Variants in DNAJC6 observed in about 807,000 individuals in gnomAD.
DNAJC6 encodes the protein DnaJ heat shock protein family (Hsp40) member C6.
In DNAJC6, 34 loss-of-function variants were observed where a neutral mutation model predicts 110.0. That is an observed-to-expected ratio of 0.31 (90% CI 0.24 to 0.41). The LOEUF (loss-of-function observed/expected upper bound fraction) is 0.41. DNAJC6 is among the 10% of genes least tolerant of loss of function. DNAJC6 has a pLI of 1.00. For missense variants in DNAJC6, 1,031 were observed against 1,207.8 expected (o/e 0.85, Z 2.17); for synonymous variants, 406 against 437.2 (o/e 0.93, Z 0.89).
Position 65,389,611 on chromosome 1 carries a change from C to G in DNAJC6, c.1452C>G (p.Ala484=), listed in dbSNP as rs1645906287. Residue 484 remains alanine (A), a synonymous_variant, in exon 11 of 19, where the codon GCC becomes GCG. Transcript: ENST00000371069. Reference sequence around the variant, plus strand: ...ATTACGGACAAAGTGGTTTCTTTGCCTCTCTCTGTTGGCAAGGTATTTACA... The same window carrying G: ...ATTACGGACAAAGTGGTTTCTTTGCGTCTCTCTGTTGGCAAGGTATTTACA... ...PRHYGQSGFF[A]SLCWQDQKSE... 3 of 1,614,100 alleles carry G rather than the reference C, an allele frequency of 1.9e-6. No homozygotes were observed. The highest frequency in any genetic ancestry group is 2.5e-6 in the Non-Finnish European group (3 of 1,179,988).
At chr1:65,406,177 A>T (rs370790532) in intron 16 of DNAJC6, 44 bp downstream of exon 16, 2 of 1,580,974 alleles carry the variant, frequency 1.3e-6, no homozygotes, top group Admixed American at 1.7e-5. Flanking sequence ...CAGCCTGTCT[A>T]TGTTGTCATA....
intron 1 of DNAJC6, among the ~76,000 whole-genome samples, chr1:65,291,128 G>T (rs370312111): frequency 2.0e-4 from 30 of 152,210 alleles, no homozygotes; most frequent in African/African-American, 7.2e-4. Flanking sequence ...CGCCTCCTGG[G>T]TTCAAGTGAT....
At chr1:65,270,277 A>G (rs1401085064) in intron 1 of DNAJC6, among the ~76,000 whole-genome samples, 3 of 152,176 alleles carry the variant, frequency 2.0e-5, no homozygotes, top group African/African-American at 7.2e-5. Context: ...TTTACATTAC[A>G]GTTGAAACGT....
At chr1:65,390,616 TG>T (rs1317547903) in intron 11 of DNAJC6, among the ~76,000 whole-genome samples, 1 of 152,186 alleles carries the variant, frequency 6.6e-6, no homozygotes, top group East Asian at 1.9e-4. Context: ...AGTCAGTGTT[TG>T]GGTATGAAAG....
At chr1:65,412,816 T>C (rs539835642) in intron 18 of DNAJC6, 108 bp from the exon 19 acceptor site, 7 of 959,140 alleles carry the variant, frequency 7.3e-6, no homozygotes, top group South Asian at 1.6e-5. Flanking sequence ...AATGGCCAAA[T>C]AGAAAAACAT....
chr1:65,397,356 A>C (rs1351509111), intron 13 of DNAJC6, among the ~76,000 whole-genome samples: 1 of 152,244 alleles, frequency 6.6e-6, no homozygotes, highest in African/African-American at 2.4e-5. Context: ...CTTTGGGCTC[A>C]ACAAATATTT....
chr1:65,377,749 T>C (rs1348830053), intron 4 of DNAJC6, among the ~76,000 whole-genome samples: 3 of 152,200 alleles, frequency 2.0e-5, no homozygotes, highest in Admixed American at 1.3e-4. Context: ...AATTTCCTAG[T>C]CGTATTTTGA....
chr1:65,412,784 G>A (rs958665166), intron 18 of DNAJC6, 140 bp from the exon 19 acceptor site: 77 of 731,530 alleles, frequency 1.1e-4, no homozygotes, highest in Non-Finnish European at 1.7e-4. Context: ...GTCAGATATA[G>A]TAGATTAGGC....
chr1:65,290,148 C>T (rs1285362415), intron 1 of DNAJC6, among the ~76,000 whole-genome samples: 2 of 152,182 alleles, frequency 1.3e-5, no homozygotes, highest in East Asian at 3.8e-4. Flanking sequence ...ATATATCTTA[C>T]AGTTCTGGTG....
chr1:65,295,928 C>T (rs1483161783), intron 1 of DNAJC6, among the ~76,000 whole-genome samples: 2 of 152,246 alleles, frequency 1.3e-5, no homozygotes, highest in Non-Finnish European at 2.9e-5. Context: ...CACCACTATG[C>T]TCTCCAATCT....
intron 1 of DNAJC6, among the ~76,000 whole-genome samples, chr1:65,274,877 T>A (rs998665171): frequency 1.3e-5 from 2 of 152,178 alleles, no homozygotes; most frequent in African/African-American, 4.8e-5. Context: ...CTTTACACAT[T>A]TGTTTTCATT....
At chr1:65,309,964 C>T (rs1381262527) in intron 1 of DNAJC6, 26 bp downstream of exon 1, 1 of 1,377,212 alleles carries the variant, frequency 7.3e-7, no homozygotes, top group Non-Finnish European at 9.4e-7. Context: ...GGGAGTGCAG[C>T]GCTGAGCCCC....
upstream of DNAJC6, among the ~76,000 whole-genome samples, chr1:65,304,988 A>G (rs1645024442): frequency 6.6e-6 from 1 of 152,252 alleles, no homozygotes. Flanking sequence ...GCCTTGCACT[A>G]TGTATATCTA....
intron 4 of DNAJC6, among the ~76,000 whole-genome samples, chr1:65,373,930 T>G (rs776464422): frequency 1.3e-5 from 2 of 152,164 alleles, no homozygotes; most frequent in Non-Finnish European, 2.9e-5. Context: ...TGGATTCAAG[T>G]TTTTAATCAA....
At chr1:65,305,955 A>G (rs1414690850), upstream of DNAJC6, among the ~76,000 whole-genome samples, 1 of 152,164 alleles carries the variant, frequency 6.6e-6, no homozygotes, top group African/African-American at 2.4e-5. Context: ...CCTTATTATG[A>G]TGGCATTACT....
At chr1:65,289,812 GTT>G (rs34346164) in intron 1 of DNAJC6, among the ~76,000 whole-genome samples, 7 of 137,980 alleles carry the variant, frequency 5.1e-5, no homozygotes, top group Non-Finnish European at 6.4e-5. Context: ...TGTCATTGTT[GTT>G]TTTTTTTTTT....
chr1:65,279,329 G>T (rs1251721456), intron 1 of DNAJC6: 7 of 230,268 alleles, frequency 3.0e-5, no homozygotes, highest in Non-Finnish European at 5.0e-5. Context: ...GTAGCTGCAG[G>T]GAAGGGGACG....
intron 2 of DNAJC6, 31 bp downstream of exon 2, chr1:65,364,816 G>A (rs745947573): frequency 1.2e-6 from 2 of 1,609,928 alleles, no homozygotes; most frequent in South Asian, 2.2e-5. Flanking sequence ...TAATTTAGTG[G>A]ATCCCCATGC....
chr1:65,375,680 C>G (rs1645758381), intron 4 of DNAJC6, among the ~76,000 whole-genome samples: 1 of 152,234 alleles, frequency 6.6e-6, no homozygotes, highest in African/African-American at 2.4e-5. Flanking sequence ...CCTGCCTCAG[C>G]CTCCTGAAGT....
Sources: gnomAD v4.1 joint callset for allele counts (sites outside exome capture counted in the v4.1 genomes callset) on GRCh38, gnomAD v4.1.1 for gene constraint, MANE v1.5 for transcripts, NCBI Gene and HGNC (gene_info 2026-07-23, HGNC 2026-07-21) for gene names.